Variants in DCC observed in about 807,000 individuals in gnomAD.
The protein encoded by DCC is netrin receptor DCC.
In DCC, 58 loss-of-function variants were observed where a neutral mutation model predicts 172.5. That is an observed-to-expected ratio of 0.34 (90% confidence interval 0.27 to 0.42). The LOEUF is 0.42. Ranked by LOEUF, DCC falls within the 10% of genes least tolerant of loss-of-function variation. The pLI is 1.00. For synonymous variants in DCC, 709 were observed against 644.5 expected (o/e 1.10, Z -1.52); for missense variants, 1,740 against 1,791.0 (o/e 0.97, Z 0.51).
intron 2 of DCC, among the ~76,000 whole-genome samples, chr18:52,838,468 G>C (rs2145312117): frequency 6.6e-6 from 1 of 152,274 alleles, no homozygotes; most frequent in African/African-American, 2.4e-5. Flanking sequence ...TGATTGTACT[G>C]GCTGTGTCTT....
chr18:52,684,456 T>C (rs1399815546), intron 1 of DCC, among the ~76,000 whole-genome samples: 1 of 152,090 alleles, frequency 6.6e-6, no homozygotes, highest in Non-Finnish European at 1.5e-5. Flanking sequence ...TACAATTATA[T>C]GTAATCATTG....
chr18:52,377,963 G>A (rs1256905143), intron 1 of DCC, among the ~76,000 whole-genome samples: 11 of 152,018 alleles, frequency 7.2e-5, no homozygotes. Context: ...GCCTCCCAAA[G>A]TGCTAGGATT....
rs147814355 is a variant in DCC at position 53,269,560 on chromosome 18, G to A, written c.1912-36018G>A. 7.7e-4 allele frequency among the ~76,000 whole-genome samples: 118 copies of A among 152,274 alleles called. 1 individual carries two copies. In the East Asian group the frequency reaches 0.013, roughly 16 times the overall value. On this transcript the variant is annotated intron_variant, in intron 12 of 28. Transcript: ENST00000442544. ...GCATAGAATGTTAAGAATAATAGTC[G>A]TAATATTAATGGCAATTACATTAAT...
intron 1 of DCC, 98 bp downstream of exon 1, chr18:52,340,976 G>GC: frequency 1.0e-6 from 1 of 994,102 alleles, no homozygotes; most frequent in Admixed American, 1.7e-5. Context: ...GTGGGGGATA[G>GC]CAAGAGATTT....
At chr18:52,478,225 T>TC (rs1274026553) in intron 1 of DCC, among the ~76,000 whole-genome samples, 2 of 152,200 alleles carry the variant, frequency 1.3e-5, no homozygotes, top group African/African-American at 2.4e-5. Flanking sequence ...ATCAGTACCC[T>TC]ATGGTTGTGC....
At chr18:52,492,070 G>C (rs568708047) in intron 1 of DCC, among the ~76,000 whole-genome samples, 4 of 151,998 alleles carry the variant, frequency 2.6e-5, no homozygotes, top group Non-Finnish European at 5.9e-5. Flanking sequence ...GGAAAGAACC[G>C]TCGTTTACTT....
chr18:52,432,847 T>C (rs1171763570), intron 1 of DCC, among the ~76,000 whole-genome samples: 3 of 152,186 alleles, frequency 2.0e-5, no homozygotes, highest in African/African-American at 4.8e-5. Flanking sequence ...CTGTGGCTTA[T>C]ACTGGCCCAG....
chr18:53,061,295 C>G (rs764368576), intron 5 of DCC, among the ~76,000 whole-genome samples: 1 of 152,024 alleles, frequency 6.6e-6, no homozygotes, highest in Non-Finnish European at 1.5e-5. Flanking sequence ...TTTCTCTTCT[C>G]CCTCTATATT....
intron 1 of DCC, among the ~76,000 whole-genome samples, chr18:52,558,705 C>A (rs1413173893): frequency 2.0e-5 from 3 of 152,034 alleles, no homozygotes. Flanking sequence ...TCTCCTCAGT[C>A]CTGGATTAAT....
At chr18:52,588,767 C>A (rs149954197) in intron 1 of DCC, among the ~76,000 whole-genome samples, 1 of 152,044 alleles carries the variant, frequency 6.6e-6, no homozygotes, top group Admixed American at 6.6e-5. Flanking sequence ...TGAAAGAAGA[C>A]TAGAACACAA....
chr18:52,834,428 A>G (rs891346702), intron 2 of DCC, among the ~76,000 whole-genome samples: 2 of 152,214 alleles, frequency 1.3e-5, no homozygotes, highest in African/African-American at 4.8e-5. Context: ...GATGGGACTC[A>G]GCAATCTGCT....
intron 26 of DCC, among the ~76,000 whole-genome samples, chr18:53,491,319 T>A (rs529038925): frequency 1.4e-4 from 22 of 152,330 alleles, no homozygotes; most frequent in Non-Finnish European, 2.2e-4. Flanking sequence ...TTCAAAAGAC[T>A]AACAAATGCA....
chr18:52,706,610 G>A (rs1161523220), intron 1 of DCC, among the ~76,000 whole-genome samples: 2 of 152,058 alleles, frequency 1.3e-5, no homozygotes, highest in East Asian at 1.9e-4. Flanking sequence ...AATTCAGGAG[G>A]CTACCAGCTC....
chr18:53,280,489 C>A (rs964926654), intron 12 of DCC, among the ~76,000 whole-genome samples: 2 of 152,036 alleles, frequency 1.3e-5, no homozygotes, highest in Admixed American at 6.6e-5. Context: ...ATTTAAATTT[C>A]TTTGAGAAGT....
At chr18:53,308,383 G>A (rs1472568556) in intron 13 of DCC, among the ~76,000 whole-genome samples, 3 of 151,898 alleles carry the variant, frequency 2.0e-5, no homozygotes, top group East Asian at 1.9e-4. Flanking sequence ...ATTGTTGACC[G>A]TGAATATTGC....
At chr18:52,493,387 T>A (rs987126685) in intron 1 of DCC, among the ~76,000 whole-genome samples, 1 of 151,896 alleles carries the variant, frequency 6.6e-6, no homozygotes, top group African/African-American at 2.4e-5. Flanking sequence ...ACAAGAAAAA[T>A]TAAAAAACCC....
At chr18:53,276,607 G>A (rs147375798) in intron 12 of DCC, among the ~76,000 whole-genome samples, 3 of 152,214 alleles carry the variant, frequency 2.0e-5, no homozygotes, top group African/African-American at 7.2e-5. Context: ...CTTGAGAGAT[G>A]TTTAAAGCTG....
At chr18:52,809,997 G>C (rs2038163137) in intron 2 of DCC, among the ~76,000 whole-genome samples, 1 of 151,978 alleles carries the variant, frequency 6.6e-6, no homozygotes, top group African/African-American at 2.4e-5. Flanking sequence ...TCCCCAGCTA[G>C]GCTTGGGAAT....
chr18:52,703,142 T>G (rs1172075458), intron 1 of DCC, among the ~76,000 whole-genome samples: 1 of 152,214 alleles, frequency 6.6e-6, no homozygotes, highest in Non-Finnish European at 1.5e-5. Context: ...TTCCATCAAT[T>G]ATTCTAATTT....
Sources: gnomAD v4.1 joint callset for allele counts (sites outside exome capture counted in the v4.1 genomes callset) on GRCh38, gnomAD v4.1.1 for gene constraint, MANE v1.5 for transcripts, NCBI Gene and HGNC (gene_info 2026-07-23, HGNC 2026-07-21) for gene names.